RAP1A: variants seen among roughly 807,000 people sequenced by gnomAD.
The protein encoded by RAP1A is RAP1A, member of RAS oncogene family, also known as ras-related protein Rap-1A.
Under a neutral mutation model 26.4 loss-of-function variants are expected in RAP1A, and 6 were observed. The ratio of observed to expected loss-of-function variants is 0.23; its 90% CI spans 0.12 to 0.45. The LOEUF (loss-of-function observed/expected upper bound fraction) is 0.45, where lower values mean the gene tolerates loss of function less well. RAP1A is among the 20% of genes least tolerant of loss of function. The pLI is 0.99. For missense variants in RAP1A, 121 were observed against 217.2 expected, an observed-to-expected ratio of 0.56 and a Z score of 2.78; for synonymous variants, 73 against 79.4, an observed-to-expected ratio of 0.92 and a Z score of 0.43.
At chr1:111,616,974 C>T (rs143867880), upstream of RAP1A, among the ~76,000 whole-genome samples, 9 of 152,308 alleles carry the variant, frequency 5.9e-5, no homozygotes, top group African/African-American at 1.4e-4. Context: ...GCAGCCAGTA[C>T]ATATGGCACT....
intron 1 of RAP1A, among the ~76,000 whole-genome samples, chr1:111,688,026 C>CAAAA (rs58107878): frequency 1.4e-3 from 70 of 51,606 alleles, no homozygotes; most frequent in Admixed American, 2.6e-3. Flanking sequence ...GACCCTGTCT[C>CAAAA]AAAAAAAAAA....
At chr1:111,544,422 A>G (rs1054498861) in intron 1 of RAP1A, among the ~76,000 whole-genome samples, 8 of 152,030 alleles carry the variant, frequency 5.3e-5, no homozygotes, top group Non-Finnish European at 1.2e-4. Context: ...GGATTTGACT[A>G]TTTTGGACAT....
At chr1:111,680,635 G>C (rs1357575918) in intron 1 of RAP1A, 3 of 152,816 alleles carry the variant, frequency 2.0e-5, no homozygotes, top group East Asian at 3.8e-4. Context: ...GAGAGGTTCA[G>C]CTGGCATTTG....
At chr1:111,590,682 A>G (rs1658455587) in intron 1 of RAP1A, among the ~76,000 whole-genome samples, 1 of 151,954 alleles carries the variant, frequency 6.6e-6, no homozygotes, top group African/African-American at 2.4e-5. Context: ...CGGCCTCCCA[A>G]AGTGCTGGGA....
rs34183674 is a variant in RAP1A at position 111,670,455 on chromosome 1, C to CA, written c.-27-20878dup. ...TGCCACTGCACTCCAGCCTGGGTGA[C>CA]AGAGTTGAGACTCTGTCTCAAACTA... On this transcript the variant is annotated intron_variant, in intron 1 of 7. Transcript: ENST00000369709. Among the ~76,000 whole-genome samples the CA allele has an allele frequency of 4.8e-3, 723 of 152,072 alleles. 4 individuals are homozygous for CA. Among genetic ancestry groups the CA allele is most frequent in the African/African-American group, 0.017 (696 of 41,472 alleles).
At chr1:111,709,353 T>C (rs758525267) in intron 7 of RAP1A, 89 bp downstream of exon 7, 81 of 1,372,734 alleles carry the variant, frequency 5.9e-5, no homozygotes, top group Non-Finnish European at 7.4e-5. Flanking sequence ...TCATCTGTTA[T>C]GGTATTTCTA....
At chr1:111,670,221 C>T (rs1660930170) in intron 1 of RAP1A, among the ~76,000 whole-genome samples, 2 of 152,096 alleles carry the variant, frequency 1.3e-5, no homozygotes, top group South Asian at 4.1e-4. Context: ...CCTGTAATCC[C>T]AGCACCTTGG....
intron 1 of RAP1A, among the ~76,000 whole-genome samples, chr1:111,620,214 C>T (rs951621971): frequency 4.6e-5 from 7 of 152,224 alleles, no homozygotes; most frequent in African/African-American, 1.7e-4. Context: ...GGGCCCCGGC[C>T]GGCTGTGGGA....
Position 111,716,468 on chromosome 1 carries a change from GTTCTGTT to G in RAP1A, c.*4073_*4079del, listed in dbSNP as rs1662543725. On this transcript the variant is annotated 3_prime_UTR_variant, in exon 8 of 8. Coordinates refer to ENST00000369709, the MANE Select transcript of RAP1A (RefSeq NM_002884.4). Reference sequence around the variant, plus strand: ...GCTGGAGGCTTTGACTGGGTTCCTAGTTCTGTTTTCTGGGAAGGCAACGTGGATTCTG... The same window carrying G: ...GCTGGAGGCTTTGACTGGGTTCCTAGTTCTGGGAAGGCAACGTGGATTCTG... The G allele has an allele frequency of 6.6e-6, 1 of 152,186 alleles. No homozygotes were observed. Among genetic ancestry groups the G allele is most frequent in the Non-Finnish European group, 1.5e-5 (1 of 68,046 alleles). 9.4% of individuals were successfully genotyped at this position (152,186 alleles called of 1,614,324 possible). A position where few individuals can be genotyped will look rare whatever the true frequency, so the allele number is the denominator to read the frequency against.
intron 1 of RAP1A, among the ~76,000 whole-genome samples, chr1:111,679,934 C>T (rs1661241762): frequency 6.6e-6 from 1 of 152,204 alleles, no homozygotes; most frequent in African/African-American, 2.4e-5. Flanking sequence ...GTACAGAGCA[C>T]CTGGGGGAAT....
intron 1 of RAP1A, among the ~76,000 whole-genome samples, chr1:111,605,116 G>A (rs1043568009): frequency 6.6e-6 from 1 of 152,210 alleles, no homozygotes; most frequent in South Asian, 2.1e-4. Flanking sequence ...GAGAAGAGGA[G>A]ACCCAAACCC....
chr1:111,600,648 T>A (rs1165826875), intron 1 of RAP1A, among the ~76,000 whole-genome samples: 1 of 152,150 alleles, frequency 6.6e-6, no homozygotes, highest in African/African-American at 2.4e-5. Context: ...CACCACCATG[T>A]TTAAGAGGGC....
At chr1:111,625,139 A>T (rs1659353390) in intron 1 of RAP1A, among the ~76,000 whole-genome samples, 1 of 152,308 alleles carries the variant, frequency 6.6e-6, no homozygotes, top group East Asian at 1.9e-4. Flanking sequence ...CTAATAAAAG[A>T]TACTATTGGG....
chr1:111,657,624 T>C, intron 1 of RAP1A, among the ~76,000 whole-genome samples: 1 of 152,204 alleles, frequency 6.6e-6, no homozygotes, highest in East Asian at 1.9e-4. Context: ...CATTTTGAGT[T>C]AATTTTTGTA....
chr1:111,650,093 C>CTTTTTTTTTTTTTTTTTTT (rs57681662), intron 1 of RAP1A, among the ~76,000 whole-genome samples: 1 of 75,850 alleles, frequency 1.3e-5, no homozygotes, highest in African/African-American at 5.1e-5. Flanking sequence ...TGGTAGAGTG[C>CTTTTTTTTTTTTTTTTTTT]TTTTTTTTTT....
intron 4 of RAP1A, among the ~76,000 whole-genome samples, chr1:111,702,754 T>G (rs1179665417): frequency 6.6e-6 from 1 of 152,144 alleles, no homozygotes; most frequent in East Asian, 1.9e-4. Context: ...GAGGCAGGGT[T>G]TCACTGTGTT....
chr1:111,707,261 C>T (rs579008), intron 6 of RAP1A, among the ~76,000 whole-genome samples: 22,079 of 150,652 alleles, frequency 0.15, 1,747 homozygotes, highest in East Asian at 0.21. Flanking sequence ...GTAGTCTGGA[C>T]CATTTAAAAA....
At chr1:111,569,428 G>A (rs1017538901) in intron 1 of RAP1A, among the ~76,000 whole-genome samples, 5 of 149,576 alleles carry the variant, frequency 3.3e-5, no homozygotes, top group Admixed American at 6.7e-5. Context: ...TTGGATTTCC[G>A]ACCGTGCCAG....
At chr1:111,645,503 A>G (rs1225821506) in intron 1 of RAP1A, among the ~76,000 whole-genome samples, 2 of 152,188 alleles carry the variant, frequency 1.3e-5, no homozygotes, top group Non-Finnish European at 2.9e-5. Context: ...CAATGAAGAG[A>G]AAGTTTAAGA....
Sources: allele counts gnomAD v4.1 joint callset (sites outside exome capture counted in the v4.1 genomes callset), GRCh38; gene constraint gnomAD v4.1.1; transcripts MANE v1.5; gene names NCBI Gene and HGNC (gene_info 2026-07-23, HGNC 2026-07-21).